CD96: variants seen among roughly 807,000 people sequenced by gnomAD.
The protein encoded by CD96 is T-cell surface protein tactile.
Under a neutral mutation model 71.3 loss-of-function variants are expected in CD96, and 70 were observed. The observed-to-expected ratio is 0.98, with a 90% confidence interval of 0.81 to 1.20. CD96 has a LOEUF of 1.20. Ranked by LOEUF, CD96 falls within the 50% of genes most tolerant of loss-of-function variation. The pLI is 0.00. For synonymous variants in CD96, 248 were observed against 233.0 expected (o/e 1.06, Z -0.59); for missense variants, 742 against 677.5 (o/e 1.10, Z -1.06).
chr3:111,556,107 G>A (rs1935010041), intron 2 of CD96, among the ~76,000 whole-genome samples: 2 of 152,348 alleles, frequency 1.3e-5, no homozygotes, highest in South Asian at 4.1e-4. Context: ...ATATACATTT[G>A]CTTCATTTTA....
In CD96 at chr3:111,579,026, G is replaced by A. The variant is rs1175367111; in HGVS notation, c.544-1G>A. The A allele has an allele frequency of 7.0e-6, 11 of 1,563,574 alleles. No homozygotes were observed. The highest frequency in any genetic ancestry group is 8.8e-6 in the Non-Finnish European group (10 of 1,134,166). ...TAACTGGTAACAATTTTTCTCACCA[G>A]GAGGATAATGGAACTCAGGAAACAC... On this transcript the variant is annotated splice_acceptor_variant, in intron 3 of 13. Transcript: ENST00000352690. LOFTEE classifies it high-confidence loss of function.
chr3:111,567,645 G>A lies in CD96; in HGVS notation c.541G>A (p.Val181Met). ...ATCTGAGTTCACCTATGCATGGTCG[G>A]TGGTAAGTGTTGCCCTTTTCAGTGA... ...ISSEFTYAWS[V>M]EDNGTQETLI... The change falls in exon 3 of 14, where the codon GTG (valine) becomes ATG (methionine). Residue 181 changes from valine (V) to methionine (M), a missense_variant and splice_region_variant. Physicochemically the swap from Val to Met is conservative, Grantham distance 21. Transcript: ENST00000352690. 3.1e-6 allele frequency: 5 copies of A among 1,613,148 alleles called. No homozygotes were observed. The highest frequency in any genetic ancestry group is 4.2e-6 in the Non-Finnish European group (5 of 1,179,152).
intron 14 of CD96, among the ~76,000 whole-genome samples, chr3:111,660,065 T>C (rs1940319655): frequency 6.6e-6 from 1 of 152,158 alleles, no homozygotes; most frequent in Admixed American, 6.5e-5. Flanking sequence ...GCCATCCCAA[T>C]AGTGAAAGAA....
chr3:111,621,647 A>G (rs1938523784), intron 8 of CD96, among the ~76,000 whole-genome samples: 1 of 152,220 alleles, frequency 6.6e-6, no homozygotes, highest in African/African-American at 2.4e-5. Context: ...ATAGGTTTGT[A>G]AAATGGTATA....
chr3:111,592,200 G>C, intron 5 of CD96, among the ~76,000 whole-genome samples: 1 of 152,124 alleles, frequency 6.6e-6, no homozygotes, highest in East Asian at 1.9e-4. Flanking sequence ...CCAGTGCAGA[G>C]GCCAGAGTAC....
intron 14 of CD96, among the ~76,000 whole-genome samples, chr3:111,664,833 A>G (rs2107825597): frequency 6.6e-6 from 1 of 152,288 alleles, no homozygotes; most frequent in African/African-American, 2.4e-5. Flanking sequence ...AGAAGGGGGG[A>G]AATGGTATGA....
At chr3:111,556,975 A>G (rs1935091107) in intron 2 of CD96, among the ~76,000 whole-genome samples, 1 of 108,034 alleles carries the variant, frequency 9.3e-6, no homozygotes, top group Non-Finnish European at 1.8e-5. Flanking sequence ...GCATTTTTTC[A>G]TGTGTTTTTT....
intron 3 of CD96, among the ~76,000 whole-genome samples, chr3:111,569,512 T>C (rs1424550519): frequency 2.6e-5 from 4 of 152,190 alleles, no homozygotes; most frequent in Non-Finnish European, 5.9e-5. Context: ...AGGACAGAAA[T>C]GTACTATACT....
At chr3:111,564,806 A>G (rs1935627620) in intron 2 of CD96, among the ~76,000 whole-genome samples, 1 of 152,158 alleles carries the variant, frequency 6.6e-6, no homozygotes, top group African/African-American at 2.4e-5. Flanking sequence ...TAGCTTTTCT[A>G]GAGTGTTCAG....
intron 2 of CD96, among the ~76,000 whole-genome samples, chr3:111,546,839 C>T (rs922946211): frequency 1.3e-4 from 19 of 151,378 alleles, no homozygotes; most frequent in African/African-American, 4.6e-4. Context: ...AAGGTCCCAT[C>T]AACTACTATC....
chr3:111,606,938 T>G, intron 8 of CD96, 146 bp downstream of exon 8: 2 of 698,342 alleles, frequency 2.9e-6, no homozygotes, highest in East Asian at 5.4e-5. Context: ...ACAGCTTTAT[T>G]GAGATATAAT....
intron 5 of CD96, among the ~76,000 whole-genome samples, chr3:111,586,107 A>G (rs1936701014): frequency 1.3e-5 from 2 of 152,218 alleles, no homozygotes; most frequent in Admixed American, 1.3e-4. Context: ...GAAAAAATCT[A>G]AGTACAGTGT....
intron 2 of CD96, among the ~76,000 whole-genome samples, chr3:111,561,777 C>A (rs1204795402): frequency 3.3e-5 from 5 of 149,878 alleles, no homozygotes; most frequent in South Asian, 2.2e-4. Context: ...CCTAAGCAAG[C>A]CTGGGCAATG....
At position 111,647,656 on chromosome 3, in the gene CD96, CA is replaced by C. The variant is rs1398125910; in HGVS notation, c.1596del (p.Glu533LysfsTer2). On this transcript the variant is annotated frameshift_variant, in exon 13 of 14. Transcript: ENST00000352690. LOFTEE classifies it high-confidence loss of function. ...GLGVRKWCQY[Q>X]KEIMERPPPF... The stretch of plus-strand genomic sequence containing the variant: ...TGGAGTGAGAAAATGGTGTCAGTAC[CA>C]AAAAGAAATGTGAGTATAATACTAA... 1.2e-6 allele frequency: 2 copies of C among 1,607,216 alleles called. No individual in the cohort carries two copies. Among genetic ancestry groups the C allele is most frequent in the Non-Finnish European group, 1.7e-6 (2 of 1,174,116 alleles).
chr3:111,618,021 C>A (rs374461389), intron 8 of CD96, among the ~76,000 whole-genome samples: 1 of 152,244 alleles, frequency 6.6e-6, no homozygotes, highest in African/African-American at 2.4e-5. Flanking sequence ...TCTGGTCCAG[C>A]AGCAGCATCA....
intron 7 of CD96, among the ~76,000 whole-genome samples, chr3:111,602,632 C>G (rs1344173752): frequency 6.6e-6 from 1 of 152,182 alleles, no homozygotes; most frequent in African/African-American, 2.4e-5. Flanking sequence ...TTATGTCTCC[C>G]TATTGTTGCA....
intron 14 of CD96, among the ~76,000 whole-genome samples, chr3:111,658,870 C>G (rs897976422): frequency 6.6e-6 from 1 of 152,098 alleles, no homozygotes; most frequent in Non-Finnish European, 1.5e-5. Context: ...GTGTCTCTGC[C>G]AGATTTTGGT....
At chr3:111,656,130 C>T (rs1940221361), downstream of CD96, among the ~76,000 whole-genome samples, 1 of 151,936 alleles carries the variant, frequency 6.6e-6, no homozygotes, top group Non-Finnish European at 1.5e-5. Flanking sequence ...TATCAATATA[C>T]TTAGTTGATA....
chr3:111,558,463 A>G (rs1171613938), intron 2 of CD96, among the ~76,000 whole-genome samples: 1 of 107,792 alleles, frequency 9.3e-6, no homozygotes, highest in African/African-American at 3.8e-5. Flanking sequence ...TATTGAGATA[A>G]TCATGTGGTT....
Sources: gnomAD v4.1 joint callset for allele counts (sites outside exome capture counted in the v4.1 genomes callset) on GRCh38, gnomAD v4.1.1 for gene constraint, MANE v1.5 for transcripts, NCBI Gene and HGNC (gene_info 2026-07-23, HGNC 2026-07-21) for gene names.